Variants in FAF1 observed in about 807,000 individuals in gnomAD.
FAF1 encodes FAS-associated factor 1.
Under a neutral mutation model 92.5 loss-of-function variants are expected in FAF1, and 25 were observed. The ratio of observed to expected loss-of-function variants is 0.27; its 90% CI spans 0.20 to 0.38. The LOEUF (loss-of-function observed/expected upper bound fraction) is 0.38. Among genes scored for constraint, FAF1 ranks in the 10% least tolerant of loss-of-function variants. The pLI is 1.00. For missense variants in FAF1, 636 were observed against 793.3 expected (o/e 0.80, Z 2.38); for synonymous variants, 234 against 273.2 (o/e 0.86, Z 1.42).
At chr1:50,643,657 A>G (rs1209181567) in intron 8 of FAF1, among the ~76,000 whole-genome samples, 1 of 152,170 alleles carries the variant, frequency 6.6e-6, no homozygotes, top group South Asian at 2.1e-4. Context: ...CAGTGGCACG[A>G]TCTCAGCTCA....
At chr1:50,559,830 T>C (rs183150974) in intron 13 of FAF1, among the ~76,000 whole-genome samples, 1 of 152,310 alleles carries the variant, frequency 6.6e-6, no homozygotes, top group Non-Finnish European at 1.5e-5. Context: ...TTTTAAAGCA[T>C]TAATTAAGCC....
At chr1:50,646,249 A>T (rs913806578) in intron 8 of FAF1, among the ~76,000 whole-genome samples, 1 of 152,148 alleles carries the variant, frequency 6.6e-6, no homozygotes, top group African/African-American at 2.4e-5. Flanking sequence ...CCACCCATAC[A>T]TATATACACA....
intron 1 of FAF1, among the ~76,000 whole-genome samples, chr1:50,878,999 A>T (rs1467685584): frequency 6.6e-6 from 1 of 152,174 alleles, no homozygotes; most frequent in African/African-American, 2.4e-5. Flanking sequence ...TAATCCCACC[A>T]TTTTGGGAGG....
intron 3 of FAF1, among the ~76,000 whole-genome samples, chr1:50,794,287 G>T (rs1661666705): frequency 6.6e-6 from 1 of 152,180 alleles, no homozygotes; most frequent in South Asian, 2.1e-4. Flanking sequence ...TTTGGACTGG[G>T]AAGAGAAAAA....
chr1:50,861,084 GGA>G (rs1043708983), intron 1 of FAF1, among the ~76,000 whole-genome samples: 2 of 151,808 alleles, frequency 1.3e-5, no homozygotes, highest in Non-Finnish European at 2.9e-5. Context: ...ACTAGAATGG[GGA>G]GAGAGGCAAG....
chr1:50,686,986 G>A (rs532913360), intron 7 of FAF1, among the ~76,000 whole-genome samples: 3 of 151,998 alleles, frequency 2.0e-5, no homozygotes, highest in African/African-American at 4.8e-5. Context: ...ATGCCACCAC[G>A]CCCAGCTAAT....
chr1:50,808,080 GA>G (rs2124601487), intron 2 of FAF1, among the ~76,000 whole-genome samples: 1 of 152,264 alleles, frequency 6.6e-6, no homozygotes, highest in African/African-American at 2.4e-5. Context: ...CTACAAGCCA[GA>G]AGAGATTGAG....
At chr1:50,866,991 A>G (rs1644487037) in intron 1 of FAF1, among the ~76,000 whole-genome samples, 1 of 152,178 alleles carries the variant, frequency 6.6e-6, no homozygotes, top group South Asian at 2.1e-4. Context: ...AAAAATAGGC[A>G]TATAGACCAA....
At chr1:50,880,865 A>G (rs1366664792) in intron 1 of FAF1, among the ~76,000 whole-genome samples, 13 of 151,738 alleles carry the variant, frequency 8.6e-5, no homozygotes, top group Non-Finnish European at 2.9e-5. Flanking sequence ...GAAAAAAACT[A>G]AACTCTAGCA....
intron 12 of FAF1, among the ~76,000 whole-genome samples, chr1:50,578,465 TGAA>T (rs1222954580): frequency 3.9e-5 from 6 of 152,182 alleles, no homozygotes; most frequent in Non-Finnish European, 8.8e-5. Context: ...AAAGGAGAGA[TGAA>T]GTTTGATTAT....
chr1:50,706,399 T>C lies in FAF1; in HGVS notation c.552-508A>G, dbSNP rs954831631. On this transcript the variant is annotated intron_variant, in intron 6 of 18. Coordinates refer to ENST00000396153, the MANE Select transcript of FAF1 (RefSeq NM_007051.3). ...TTATGTAAAAATTCATTCAAAATAA[T>C]TGTGCTTTCACTTAGGACTCAGTAA... Among the ~76,000 whole-genome samples the C allele has an allele frequency of 7.2e-5, 11 of 152,318 alleles. No homozygotes were observed. In the East Asian group the frequency reaches 1.2e-3, roughly 16 times the overall value.
intron 15 of FAF1, among the ~76,000 whole-genome samples, chr1:50,529,911 T>C (rs1648050274): frequency 6.6e-6 from 1 of 152,134 alleles, no homozygotes; most frequent in Non-Finnish European, 1.5e-5. Flanking sequence ...TTTTCTGTGA[T>C]TTGGGCCTCA....
At chr1:50,586,208 A>C (rs903839014) in intron 9 of FAF1, among the ~76,000 whole-genome samples, 1 of 152,178 alleles carries the variant, frequency 6.6e-6, no homozygotes, top group Non-Finnish European at 1.5e-5. Context: ...CTAGGCCCAA[A>C]CAAAATATTA....
Position 50,926,131 on chromosome 1 carries a change from C to T in FAF1, c.45+33636G>A, listed in dbSNP as rs1218096174. Among the ~76,000 whole-genome samples the T allele has an allele frequency of 5.3e-5, 8 of 152,210 alleles. No homozygotes were observed. In the South Asian group the frequency reaches 1.5e-3, roughly 28 times the overall value. On this transcript the variant is annotated intron_variant, in intron 1 of 18. Coordinates refer to ENST00000396153, the MANE Select transcript of FAF1 (RefSeq NM_007051.3). ...ACTCGGGAGACTGAGGGGGGAGGAT[C>T]GCTTAAGCCCCAGAGTTTAACATTA...
intron 6 of FAF1, among the ~76,000 whole-genome samples, chr1:50,729,893 T>A (rs951616941): frequency 3.9e-5 from 6 of 151,996 alleles, no homozygotes; most frequent in Non-Finnish European, 7.4e-5. Flanking sequence ...TGGTGGCACG[T>A]GCCTGTAGTC....
intron 2 of FAF1, among the ~76,000 whole-genome samples, chr1:50,826,258 C>T (rs1162492603): frequency 2.0e-5 from 3 of 152,088 alleles, no homozygotes; most frequent in African/African-American, 7.2e-5. Context: ...CCAGTAAAAA[C>T]TGGATCTTTA....
chr1:50,514,516 T>C (rs926786138), intron 15 of FAF1, among the ~76,000 whole-genome samples: 1 of 152,198 alleles, frequency 6.6e-6, no homozygotes, highest in African/African-American at 2.4e-5. Flanking sequence ...CTGGTTATTT[T>C]TGTAAACTCC....
At chr1:50,766,123 T>G (rs368067282) in intron 4 of FAF1, among the ~76,000 whole-genome samples, 25 of 151,884 alleles carry the variant, frequency 1.6e-4, no homozygotes, top group African/African-American at 5.6e-4. Context: ...ACCTAGCCCA[T>G]CTCAGAGTAG....
chr1:50,717,872 T>C (rs1413483736), intron 6 of FAF1, among the ~76,000 whole-genome samples: 2 of 152,138 alleles, frequency 1.3e-5, no homozygotes, highest in Non-Finnish European at 1.5e-5. Context: ...ATGTTTATTG[T>C]ATATGAATTA....
Sources: gnomAD v4.1 joint callset for allele counts (sites outside exome capture counted in the v4.1 genomes callset) on GRCh38, gnomAD v4.1.1 for gene constraint, MANE v1.5 for transcripts, NCBI Gene and HGNC (gene_info 2026-07-23, HGNC 2026-07-21) for gene names.